The following NEK10 variants were observed in gnomAD, a reference collection of about 807,000 sequenced individuals.
The protein encoded by NEK10 is serine/threonine-protein kinase Nek10.
In NEK10, 122 loss-of-function variants were observed where a neutral mutation model predicts 159.8. That is an observed-to-expected ratio of 0.76 (90% CI 0.66 to 0.89). The LOEUF is 0.89. NEK10 is among the 40% of genes least tolerant of loss of function. The probability of loss-of-function intolerance (pLI) is 0.00; values close to 1 mark genes in which losing one functional copy is unlikely to be tolerated. For synonymous variants in NEK10, 466 were observed against 457.1 expected (o/e 1.02, Z -0.25); for missense variants, 1,342 against 1,323.1 (o/e 1.01, Z -0.22).
Position 27,119,864 on chromosome 3 carries a change from G to A in NEK10, c.3086C>T (p.Ser1029Phe), listed in dbSNP as rs764108481. 9 of 1,612,824 alleles carry A rather than the reference G, an allele frequency of 5.6e-6. No homozygotes were observed. In the Admixed American group the frequency reaches 1.3e-4, roughly 24 times the overall value. Reference protein sequence around the residue: ...CNLKSEIKKLSQGSPEPIEPN... With the variant: ...CNLKSEIKKLFQGSPEPIEPN... ...CTCAATCGGTTCTGGAGATCCCTGAGATAACTGAAATAGAAAAAGCAAAAT... is the reference window on the plus strand; with the variant it reads ...CTCAATCGGTTCTGGAGATCCCTGAAATAACTGAAATAGAAAAAGCAAAAT... The change falls in exon 33 of 36, where the codon TCT (serine) becomes TTT (phenylalanine). Residue 1029 changes from serine to phenylalanine, a missense_variant. Ser to Phe is a radical substitution (Grantham distance 155). Transcript: ENST00000691995.
chr3:27,124,617 A>G (rs1941726372), intron 32 of NEK10, among the ~76,000 whole-genome samples: 1 of 152,240 alleles, frequency 6.6e-6, no homozygotes, highest in Non-Finnish European at 1.5e-5. Context: ...CTTAGTGACT[A>G]CAGACTACTC....
chr3:27,168,920 T>C (rs910364365), intron 29 of NEK10, among the ~76,000 whole-genome samples: 1 of 152,230 alleles, frequency 6.6e-6, no homozygotes, highest in African/African-American at 2.4e-5. Context: ...GCCTTTCTGC[T>C]GATTCTAGCT....
chr3:27,300,931 T>C (rs191353107), intron 13 of NEK10, among the ~76,000 whole-genome samples: 46 of 152,332 alleles, frequency 3.0e-4, no homozygotes, highest in Middle Eastern at 3.4e-3. Context: ...GAGAAAATAG[T>C]AGACAGCAAG....
At position 27,111,275 on chromosome 3, in the gene NEK10, T is replaced by C. The variant is rs139946684; in HGVS notation, c.3345A>G (p.Arg1115=). The change falls in exon 36 of 36, where the codon AGA becomes AGG. Residue 1115 remains arginine (R), a synonymous_variant. Coordinates refer to ENST00000691995, the MANE Select transcript of NEK10 (RefSeq NM_001394966.1). ...PWGTKNHPTK[R] is the part of the protein sequence containing the mutation. ...GTCCACTCAAAATGCAGCATTTTCA[T>C]CTTTTGGTTGGGTGATTCTTGGTCC... 313 of 1,609,638 alleles carry C rather than the reference T, an allele frequency of 1.9e-4. No homozygotes were observed. Among genetic ancestry groups the C allele is most frequent in the Non-Finnish European group, 2.5e-4 (293 of 1,177,784 alleles).
At chr3:27,353,844 C>A (rs1372213456) in intron 1 of NEK10, among the ~76,000 whole-genome samples, 1 of 152,038 alleles carries the variant, frequency 6.6e-6, no homozygotes. Context: ...CACTCGTGAA[C>A]TTTAAAACAT....
At chr3:27,347,150 AT>A (rs1464612113) in intron 3 of NEK10, among the ~76,000 whole-genome samples, 1 of 152,330 alleles carries the variant, frequency 6.6e-6, no homozygotes, top group Non-Finnish European at 1.5e-5. Context: ...CATTTTATAT[AT>A]TACCAAAGTT....
intron 14 of NEK10, 111 bp from the exon 15 acceptor site, chr3:27,295,801 T>C: frequency 7.4e-7 from 1 of 1,352,012 alleles, no homozygotes; most frequent in South Asian, 1.7e-5. Context: ...AATATTAGTA[T>C]AACTATGGAC....
chr3:27,162,678 T>C (rs1946130150), intron 30 of NEK10, 23 bp downstream of exon 30: 1 of 1,614,018 alleles, frequency 6.2e-7, no homozygotes, highest in African/African-American at 1.3e-5. Context: ...TGTTTGATTT[T>C]ATTGCTACCA....
At chr3:27,286,785 G>C (rs1049039962) in intron 20 of NEK10, among the ~76,000 whole-genome samples, 23 of 151,924 alleles carry the variant, frequency 1.5e-4, no homozygotes, top group Non-Finnish European at 2.6e-4. Flanking sequence ...CAAGTCTGAA[G>C]CCAACCTTGA....
intron 22 of NEK10, among the ~76,000 whole-genome samples, chr3:27,257,793 T>C (rs1453525991): frequency 6.7e-5 from 7 of 104,502 alleles, no homozygotes; most frequent in Non-Finnish European, 1.6e-4. Context: ...TTTTTCTTTT[T>C]TTTTTTTTTT....
At chr3:27,118,090 C>T (rs1940749239) in intron 33 of NEK10, among the ~76,000 whole-genome samples, 1 of 152,140 alleles carries the variant, frequency 6.6e-6, no homozygotes, top group Non-Finnish European at 1.5e-5. Context: ...TTCCCCATTG[C>T]TTGTTTTTGT....
At chr3:27,262,961 T>C (rs1452206426) in intron 22 of NEK10, among the ~76,000 whole-genome samples, 1 of 152,182 alleles carries the variant, frequency 6.6e-6, no homozygotes, top group African/African-American at 2.4e-5. Context: ...TTTGTCTACC[T>C]TTGGTCTTTG....
rs556136715 is a variant in NEK10 at position 27,335,678 on chromosome 3, T to C, written c.362+8594A>G. ...TATCAAGTATCTTCTCAGAGCAGAA[T>C]GGAATAAAACTAAAAATCAATAACA... On this transcript the variant is annotated intron_variant, in intron 5 of 35. Coordinates refer to ENST00000691995, the MANE Select transcript of NEK10 (RefSeq NM_001394966.1). Among the ~76,000 whole-genome samples, 4 of 152,170 alleles carry C rather than the reference T, an allele frequency of 2.6e-5. No homozygotes were observed. In the East Asian group the frequency reaches 7.7e-4, roughly 29 times the overall value.
chr3:27,300,679 GTTC>G (rs1169616958), intron 13 of NEK10, among the ~76,000 whole-genome samples: 3 of 152,060 alleles, frequency 2.0e-5, no homozygotes, highest in Admixed American at 6.5e-5. Flanking sequence ...CTAAGTAACT[GTTC>G]TTCTGAATTC....
In NEK10 at chr3:27,119,843, A is replaced by G. The variant is rs376674468; in HGVS notation, c.3107T>C (p.Ile1036Thr). The G allele has an allele frequency of 5.6e-6, 9 of 1,613,956 alleles. No individual in the cohort carries two copies. The highest frequency in any genetic ancestry group is 2.7e-5 in the African/African-American group (2 of 75,044). Residue 1036 changes from isoleucine (I) to threonine (T), a missense_variant, in exon 33 of 36, where the codon ATT (isoleucine) becomes ACT (threonine). Transcript: ENST00000691995. ...ATCTGCTGTGAAAAAGTTGGGCTCA[A>G]TCGGTTCTGGAGATCCCTGAGATAA... is the stretch of plus-strand genomic sequence containing the variant. ...KKLSQGSPEP[I>T]EPNFFTADYH...
intron 8 of NEK10, 31 bp from the exon 9 acceptor site, chr3:27,311,047 A>G: frequency 7.0e-7 from 1 of 1,426,190 alleles, no homozygotes; most frequent in Non-Finnish European, 9.9e-7. Flanking sequence ...GCAAAGAGGC[A>G]TCCAGAGATT....
chr3:27,350,569 AT>A (rs950912380), intron 3 of NEK10, among the ~76,000 whole-genome samples: 2 of 152,090 alleles, frequency 1.3e-5, no homozygotes, highest in African/African-American at 2.4e-5. Flanking sequence ...CAGTATTTTT[AT>A]TTTTTTAGCA....
intron 19 of NEK10, 99 bp downstream of exon 19, chr3:27,290,518 C>T (rs2042922869): frequency 2.4e-6 from 2 of 849,786 alleles, no homozygotes; most frequent in African/African-American, 3.4e-5. Context: ...TCACATGGAA[C>T]TAGTTCATAA....
At chr3:27,162,792 A>C (rs767367812) in intron 29 of NEK10, 54 bp from the exon 30 acceptor site, 2 of 1,611,536 alleles carry the variant, frequency 1.2e-6, no homozygotes, top group Non-Finnish European at 1.7e-6. Context: ...GGATTTGACA[A>C]ACTAAGAGCC....
Sources: gnomAD v4.1 joint callset for allele counts (sites outside exome capture counted in the v4.1 genomes callset) on GRCh38, gnomAD v4.1.1 for gene constraint, MANE v1.5 for transcripts, NCBI Gene and HGNC (gene_info 2026-07-23, HGNC 2026-07-21) for gene names.